The following PCDHA8 variants were observed in gnomAD, a reference collection of about 807,000 sequenced individuals.
PCDHA8 encodes the protein protocadherin alpha-8.
Under a neutral mutation model 61.8 loss-of-function variants are expected in PCDHA8, and 53 were observed. The ratio of observed to expected loss-of-function variants is 0.86; its 90% CI spans 0.69 to 1.08. PCDHA8 has a LOEUF of 1.08. PCDHA8 is among the 50% of genes least tolerant of loss of function. PCDHA8 has a pLI of 0.00. For synonymous variants in PCDHA8, 618 were observed against 556.6 expected (o/e 1.11, Z -1.55); for missense variants, 1,293 against 1,245.0 (o/e 1.04, Z -0.58).
chr5:140,974,944 T>C (rs1216786290), intron 1 of PCDHA8, among the ~76,000 whole-genome samples: 1 of 152,210 alleles, frequency 6.6e-6, no homozygotes, highest in African/African-American at 2.4e-5. Context: ...ACCTATTTGT[T>C]ATCTCACAGT....
At position 141,010,088 on chromosome 5, in the gene PCDHA8, C is replaced by T. The variant is rs1165296922; in HGVS notation, c.*151C>T. ...GAAAGTTCCCTGTGTCTGTCTAGAA[C>T]GCATTTAACAGGTTTTGTCGTAAAA... On this transcript the variant is annotated 3_prime_UTR_variant, in exon 4 of 4. Transcript: ENST00000531613. 2.0e-5 allele frequency: 33 copies of T among 1,612,012 alleles called. No homozygotes were observed. Among genetic ancestry groups the T allele is most frequent in the South Asian group, 4.4e-5 (4 of 90,728 alleles).
intron 1 of PCDHA8, among the ~76,000 whole-genome samples, chr5:140,925,793 A>G (rs1261267937): frequency 6.6e-6 from 1 of 152,074 alleles, no homozygotes; most frequent in African/African-American, 2.4e-5. Context: ...GTATCTCAGT[A>G]CTTTCCCCTC....
intron 1 of PCDHA8, chr5:140,868,100 ATTTAT>A (rs2153230738): frequency 1.3e-5 from 2 of 152,260 alleles, no homozygotes; most frequent in South Asian, 2.1e-4. Context: ...TGATAATAAA[ATTTAT>A]TTTATAGTTG....
Position 140,946,631 on chromosome 5 carries a change from T to TATATATATATATATATATATATACAC in PCDHA8, c.2395-32317_2395-32316insTATATATATATATATATATATACACA, listed in dbSNP as rs57893927. Among the ~76,000 whole-genome samples, 213 of 131,752 alleles carry TATATATATATATATATATATATACAC rather than the reference T, an allele frequency of 1.6e-3. 5 individuals carry two copies. The highest frequency in any genetic ancestry group is 6.6e-3 in the African/African-American group (188 of 28,632). The allele number at this position is 131,752 out of a possible 152,430, so 86.4% of individuals were successfully genotyped here. A position where few individuals can be genotyped will look rare whatever the true frequency, so the allele number is the denominator to read the frequency against. Reference sequence around the variant, plus strand: ...TGTGAAATATATATATATATATATATACAATGGAATACTCATCAGCCATTA... The same window carrying TATATATATATATATATATATATACAC: ...TGTGAAATATATATATATATATATATATATATATATATATATATATATACACACAATGGAATACTCATCAGCCATTA... On this transcript the variant is annotated intron_variant, in intron 1 of 3. Transcript: ENST00000531613.
rs2150358233 is a variant in PCDHA8 at position 140,843,360 on chromosome 5, C to G, written c.2039C>G (p.Ser680Trp). Residue 680 changes from serine to tryptophan, a missense_variant, in exon 1 of 4, where the codon TCG becomes TGG. By Grantham distance (177) the Ser-to-Trp change is radical. Coordinates refer to ENST00000531613, the MANE Select transcript of PCDHA8 (RefSeq NM_018911.3). ...VESGQAPKAS[S>W]RQSAGVLGPE... is the part of the protein sequence containing the mutation. Reference sequence around the variant, plus strand: ...AGCGGCCAGGCTCCAAAAGCGTCATCGAGGCAGTCGGCTGGCGTTTTGGGT... The same window carrying G: ...AGCGGCCAGGCTCCAAAAGCGTCATGGAGGCAGTCGGCTGGCGTTTTGGGT... 32 of 1,596,088 alleles carry G rather than the reference C, an allele frequency of 2.0e-5. 6 individuals carry two copies. Among genetic ancestry groups the G allele is most frequent in the Non-Finnish European group, 2.6e-5 (30 of 1,165,594 alleles).
At chr5:140,986,427 G>A (rs937088313) in intron 3 of PCDHA8, among the ~76,000 whole-genome samples, 19 of 152,186 alleles carry the variant, frequency 1.2e-4, no homozygotes, top group African/African-American at 4.6e-4. Context: ...TTAACTTCAT[G>A]AGTACTAATG....
Position 140,842,916 on chromosome 5 carries a change from A to T in PCDHA8, c.1595A>T (p.Gln532Leu). Reference sequence around the variant, plus strand: ...GACCACGAGGAGCTAGAGCTGCTGCAGTTCCAGGTGAGCGCGCGCGACGCG... The same window carrying T: ...GACCACGAGGAGCTAGAGCTGCTGCTGTTCCAGGTGAGCGCGCGCGACGCG... Reference protein sequence around the residue: ...PLDHEELELLQFQVSARDAGV... With the variant: ...PLDHEELELLLFQVSARDAGV... The change falls in exon 1 of 4, where the codon CAG becomes CTG. Residue 532 changes from glutamine to leucine, a missense_variant. Coordinates refer to ENST00000531613, the MANE Select transcript of PCDHA8 (RefSeq NM_018911.3). The T allele has an allele frequency of 6.3e-7, 1 of 1,594,694 alleles. No individual in the cohort carries two copies. The highest frequency in any genetic ancestry group is 2.2e-5 in the East Asian group (1 of 44,808).
intron 1 of PCDHA8, chr5:140,969,615 G>A (rs1417453925): frequency 3.6e-5 from 26 of 714,726 alleles, no homozygotes; most frequent in Non-Finnish European, 5.5e-5. Flanking sequence ...ACACAGATTT[G>A]TAGAGAAACA....
intron 1 of PCDHA8, chr5:140,871,350 C>T (rs782168219): frequency 5.6e-6 from 9 of 1,614,194 alleles, no homozygotes; most frequent in Non-Finnish European, 7.6e-6. Flanking sequence ...GCTGGTCATA[C>T]TCGCAGCAGA....
At chr5:140,875,894 C>T in intron 1 of PCDHA8, 1 of 1,614,170 alleles carries the variant, frequency 6.2e-7, no homozygotes, top group Non-Finnish European at 8.5e-7. Context: ...CAAAAGGTAC[C>T]TGTTTCTGAA....
chr5:140,863,219 G>T, intron 1 of PCDHA8: 1 of 1,108,786 alleles, frequency 9.0e-7, no homozygotes. Flanking sequence ...AGCCAAGCGA[G>T]GAAGGTCCCA....
intron 1 of PCDHA8, chr5:140,856,057 C>T: frequency 6.3e-7 from 1 of 1,587,068 alleles, no homozygotes; most frequent in East Asian, 2.2e-5. Flanking sequence ...AGATGGTTTC[C>T]AGATGTAGCT....
intron 1 of PCDHA8, among the ~76,000 whole-genome samples, chr5:140,974,906 T>G (rs1197306976): frequency 6.6e-6 from 1 of 152,182 alleles, no homozygotes; most frequent in Non-Finnish European, 1.5e-5. Flanking sequence ...TTGTAACAAA[T>G]TACCACAAGT....
intron 1 of PCDHA8, chr5:140,968,752 C>T: frequency 6.2e-7 from 1 of 1,614,094 alleles, no homozygotes; most frequent in Non-Finnish European, 8.5e-7. Context: ...CCGTGGTGGT[C>T]CGAGATAATG....
intron 1 of PCDHA8, chr5:140,927,619 C>G: frequency 6.2e-7 from 1 of 1,614,170 alleles, no homozygotes; most frequent in Non-Finnish European, 8.5e-7. Flanking sequence ...CACCAAGGTT[C>G]CAGAGACTGC....
chr5:140,850,680 G>A lies in PCDHA8; in HGVS notation c.2394+6965G>A, dbSNP rs2150493615. 22 of 1,598,518 alleles carry A rather than the reference G, an allele frequency of 1.4e-5. 2 individuals carry two copies. In the East Asian group the frequency reaches 4.5e-4, roughly 32 times the overall value. ...GCTGCGGTGCTCGGCGATGCCCACC[G>A]AGGGCGAGTGCGCGCCTGGCAAGCC... On this transcript the variant is annotated intron_variant, in intron 1 of 3. Transcript: ENST00000531613.
intron 1 of PCDHA8, chr5:140,875,321 TC>T: frequency 1.4e-6 from 2 of 1,427,980 alleles, no homozygotes; most frequent in Non-Finnish European, 1.8e-6. Context: ...TTCCAATCAT[TC>T]ACGGAATAGG....
intron 1 of PCDHA8, among the ~76,000 whole-genome samples, chr5:140,937,708 C>G (rs535447052): frequency 6.6e-6 from 1 of 151,944 alleles, no homozygotes; most frequent in South Asian, 2.1e-4. Flanking sequence ...GTCAGGAGAT[C>G]AAGACCATCC....
At chr5:140,901,207 T>C (rs894216497) in intron 1 of PCDHA8, among the ~76,000 whole-genome samples, 1 of 152,206 alleles carries the variant, frequency 6.6e-6, no homozygotes, top group Non-Finnish European at 1.5e-5. Context: ...AGAAGGTTTT[T>C]AAGTTGATGT....
Sources: gnomAD v4.1 joint callset for allele counts (sites outside exome capture counted in the v4.1 genomes callset) on GRCh38, gnomAD v4.1.1 for gene constraint, MANE v1.5 for transcripts, NCBI Gene and HGNC (gene_info 2026-07-23, HGNC 2026-07-21) for gene names.